The following TRIM58 variants were observed in gnomAD, a reference collection of about 807,000 sequenced individuals.
The protein encoded by TRIM58 is tripartite motif containing 58, also known as E3 ubiquitin-protein ligase TRIM58.
A neutral mutation model predicts 34.1 loss-of-function variants in TRIM58; 38 were observed. That is an observed-to-expected ratio of 1.12 (90% CI 0.86 to 1.46). TRIM58 has a LOEUF of 1.46. TRIM58 is among the 40% of genes most tolerant of loss of function. TRIM58 has a pLI of 0.00. For synonymous variants in TRIM58, 273 were observed against 275.7 expected (o/e 0.99, Z 0.10); for missense variants, 677 against 642.0 (o/e 1.05, Z -0.59).
rs201208658 is a variant in TRIM58, at chr1:247,866,180, TG to T, written c.747+1246del. 7.9e-4 allele frequency among the ~76,000 whole-genome samples: 120 copies of T among 151,410 alleles called. 1 individual carries two copies. Among genetic ancestry groups the T allele is most frequent in the African/African-American group, 2.3e-3 (95 of 41,318 alleles). ...AGAACTTTGACGGTTTCTTTTCTTTTGTTTTTTTGAGACAGAGTCTCGCTCT... is the reference window on the plus strand; with the variant it reads ...AGAACTTTGACGGTTTCTTTTCTTTTTTTTTTTGAGACAGAGTCTCGCTCT... On this transcript the variant is annotated intron_variant, in intron 3 of 5. Coordinates refer to ENST00000366481, the MANE Select transcript of TRIM58 (RefSeq NM_015431.4).
chr1:247,866,187 T>C (rs1358840659), intron 3 of TRIM58, among the ~76,000 whole-genome samples: 1 of 152,202 alleles, frequency 6.6e-6, no homozygotes, highest in Admixed American at 6.5e-5. Context: ...TTTTGTTTTT[T>C]TGAGACAGAG....
At chr1:247,874,827 C>T (rs1249741194) in intron 5 of TRIM58, among the ~76,000 whole-genome samples, 2 of 152,186 alleles carry the variant, frequency 1.3e-5, no homozygotes, top group Non-Finnish European at 2.9e-5. Flanking sequence ...CCAGGCCAGG[C>T]CAGGCTTCTG....
At chr1:247,868,739 C>T (rs1663989474) in intron 5 of TRIM58, among the ~76,000 whole-genome samples, 1 of 152,162 alleles carries the variant, frequency 6.6e-6, no homozygotes, top group Admixed American at 6.5e-5. Context: ...CACATATTTA[C>T]TCATTTATTA....
chr1:247,869,435 G>A (rs1024046934), intron 5 of TRIM58, among the ~76,000 whole-genome samples: 3 of 152,134 alleles, frequency 2.0e-5, no homozygotes, highest in Non-Finnish European at 4.4e-5. Flanking sequence ...CATCTTATTA[G>A]CTTACAAAAG....
intron 5 of TRIM58, among the ~76,000 whole-genome samples, chr1:247,873,894 A>C (rs185553291): frequency 6.6e-6 from 1 of 152,230 alleles, no homozygotes; most frequent in Non-Finnish European, 1.5e-5. Flanking sequence ...TGAGTCTGAG[A>C]GGTGGAGGCT....
intron 5 of TRIM58, among the ~76,000 whole-genome samples, chr1:247,874,536 C>T (rs1263251870): frequency 1.3e-5 from 2 of 152,176 alleles, no homozygotes; most frequent in Non-Finnish European, 1.5e-5. Context: ...TACTTATAAG[C>T]AATGCTAATA....
At chr1:247,873,099 G>T (rs965639197) in intron 5 of TRIM58, among the ~76,000 whole-genome samples, 5 of 152,104 alleles carry the variant, frequency 3.3e-5, no homozygotes, top group Non-Finnish European at 7.4e-5. Flanking sequence ...GCGTGGTGGT[G>T]CATGCCTGTA....
At position 247,879,406 on chromosome 1, in the gene TRIM58, T is replaced by A. The variant is rs1306273775; in HGVS notation, c.*2917T>A. 1.3e-5 allele frequency among the ~76,000 whole-genome samples: 2 copies of A among 152,212 alleles called. No homozygotes were observed. Among genetic ancestry groups the A allele is most frequent in the Non-Finnish European group, 2.9e-5 (2 of 68,040 alleles). On this transcript the variant is annotated 3_prime_UTR_variant, in exon 6 of 6. Coordinates refer to ENST00000366481, the MANE Select transcript of TRIM58 (RefSeq NM_015431.4). ...GACTTTCGTTTCCTCACAGTGGTCCTGCTTGGGCTCTAGGCCCTTCCACTC... is the reference window on the plus strand; with the variant it reads ...GACTTTCGTTTCCTCACAGTGGTCCAGCTTGGGCTCTAGGCCCTTCCACTC...
At chr1:247,860,779 T>G in intron 2 of TRIM58, 67 bp downstream of exon 2, 1 of 1,197,710 alleles carries the variant, frequency 8.3e-7, no homozygotes, top group Non-Finnish European at 1.2e-6. Context: ...TCAGTAATTC[T>G]TCTACCATCT....
chr1:247,866,073 A>G (rs1239694987), intron 3 of TRIM58, among the ~76,000 whole-genome samples: 1 of 152,078 alleles, frequency 6.6e-6, no homozygotes, highest in African/African-American at 2.4e-5. Flanking sequence ...ATATTTTATT[A>G]TTATTGCTAT....
rs953755966 is a variant in TRIM58 at position 247,878,776 on chromosome 1, G to A, written c.*2287G>A. Among the ~76,000 whole-genome samples the A allele has an allele frequency of 1.3e-5, 2 of 152,186 alleles. No individual in the cohort carries two copies. The highest frequency in any genetic ancestry group is 2.4e-5 in the African/African-American group (1 of 41,452). The stretch of plus-strand genomic sequence containing the variant: ...GTCCCAGGAGTATCCATTTCCCACT[G>A]TGTAGCCCAGTACTCTGGTCTCACT... On this transcript the variant is annotated 3_prime_UTR_variant, in exon 6 of 6. Coordinates refer to ENST00000366481, the MANE Select transcript of TRIM58 (RefSeq NM_015431.4).
intron 5 of TRIM58, among the ~76,000 whole-genome samples, chr1:247,868,461 T>G (rs1017078119): frequency 1.3e-5 from 2 of 152,184 alleles, no homozygotes; most frequent in Non-Finnish European, 2.9e-5. Context: ...TGTGGGGATT[T>G]CTCTCCGCAA....
intron 5 of TRIM58, among the ~76,000 whole-genome samples, chr1:247,868,911 T>A (rs189599666): frequency 3.6e-4 from 54 of 151,674 alleles, no homozygotes; most frequent in African/African-American, 1.3e-3. Flanking sequence ...TTCTTTTTTT[T>A]GTGTGTGTGA....
chr1:247,859,559 C>G (rs1310148099), intron 1 of TRIM58, among the ~76,000 whole-genome samples: 1 of 152,028 alleles, frequency 6.6e-6, no homozygotes, highest in African/African-American at 2.4e-5. Flanking sequence ...AGTGAGCGCC[C>G]TATCATTGAA....
chr1:247,866,997 G>T (rs186742574), intron 3 of TRIM58, among the ~76,000 whole-genome samples: 145 of 152,234 alleles, frequency 9.5e-4, no homozygotes, highest in African/African-American at 2.1e-3. Flanking sequence ...GAGGGGAAAT[G>T]TATCCCAAAT....
At position 247,864,919 on chromosome 1, in the gene TRIM58, C is replaced by T. The variant is rs1230688620; in HGVS notation, c.731C>T (p.Ala244Val). The change falls in exon 3 of 6, where the codon GCC (alanine) becomes GTC (valine). Residue 244 changes from alanine to valine, a missense_variant. By Grantham distance (64) the Ala-to-Val change is moderately conservative. Coordinates refer to ENST00000366481, the MANE Select transcript of TRIM58 (RefSeq NM_015431.4). ...DELQERCQRP[A>V]LGLLEGVRGV... ...CTGCAGGAGAGGTGCCAGCGCCCGGCCCTGGGTCTGCTGGAGGTGAGGCCG... is the reference window on the plus strand; with the variant it reads ...CTGCAGGAGAGGTGCCAGCGCCCGGTCCTGGGTCTGCTGGAGGTGAGGCCG... 6 of 1,579,988 alleles carry T rather than the reference C, an allele frequency of 3.8e-6. No individual in the cohort carries two copies. The highest frequency in any genetic ancestry group is 5.2e-6 in the Non-Finnish European group (6 of 1,163,672).
intron 2 of TRIM58, 151 bp from the exon 3 acceptor site, chr1:247,864,554 A>T: frequency 2.8e-6 from 2 of 716,442 alleles, no homozygotes; most frequent in Admixed American, 5.8e-5. Flanking sequence ...ATATGAATGG[A>T]CTCCAGTCTG....
At position 247,878,014 on chromosome 1, in the gene TRIM58, T is replaced by C. The variant is rs1659329313; in HGVS notation, c.*1525T>C. The C allele has an allele frequency of 6.6e-6, 1 of 151,922 alleles. No individual in the cohort carries two copies. The allele number at this position is 151,922 out of a possible 1,614,324, so 9.4% of individuals were successfully genotyped here. On this transcript the variant is annotated 3_prime_UTR_variant, in exon 6 of 6. Transcript: ENST00000366481. ...TCTCTACTAAAAATACAAAAAGAAA[T>C]TAGCTGGGCGTGGTGGTGGGTGCCT... is the stretch of plus-strand genomic sequence containing the variant.
rs1284840107 is a variant in TRIM58 at position 247,876,512 on chromosome 1, C to T, written c.*23C>T. 2 of 1,583,572 alleles carry T rather than the reference C, an allele frequency of 1.3e-6. No individual in the cohort carries two copies. Among genetic ancestry groups the T allele is most frequent in the Non-Finnish European group, 1.7e-6 (2 of 1,159,918 alleles). Reference sequence around the variant, plus strand: ...TAAAATTCTGTTCCCAAGATGCAGTCCTAGCGTAGCGAACGTTCCTGGAGT... The same window carrying T: ...TAAAATTCTGTTCCCAAGATGCAGTTCTAGCGTAGCGAACGTTCCTGGAGT... On this transcript the variant is annotated 3_prime_UTR_variant, in exon 6 of 6. Coordinates refer to ENST00000366481, the MANE Select transcript of TRIM58 (RefSeq NM_015431.4).
Sources: gnomAD v4.1 joint callset for allele counts (sites outside exome capture counted in the v4.1 genomes callset) on GRCh38, gnomAD v4.1.1 for gene constraint, MANE v1.5 for transcripts, NCBI Gene and HGNC (gene_info 2026-07-23, HGNC 2026-07-21) for gene names.